Variants in NR3C2 observed in about 807,000 individuals in gnomAD.
NR3C2 encodes the protein mineralocorticoid receptor.
In NR3C2, 15 loss-of-function variants were observed where a neutral mutation model predicts 86.4. That is an observed-to-expected ratio of 0.17 (90% CI 0.12 to 0.27). The LOEUF is 0.27. NR3C2 is among the 10% of genes least tolerant of loss of function. NR3C2 has a pLI of 1.00. For missense variants in NR3C2, 960 were observed against 1,195.6 expected, an observed-to-expected ratio of 0.80 and a Z score of 2.91; for synonymous variants, 458 against 450.5, an observed-to-expected ratio of 1.02 and a Z score of -0.21.
chr4:148,118,404 C>T (rs549096409), intron 7 of NR3C2, among the ~76,000 whole-genome samples: 3 of 152,246 alleles, frequency 2.0e-5, no homozygotes, highest in South Asian at 2.1e-4. Context: ...CTTCCAATAC[C>T]GTACACTCTC....
intron 2 of NR3C2, among the ~76,000 whole-genome samples, chr4:148,321,684 G>C (rs1743602339): frequency 6.6e-6 from 1 of 151,972 alleles, no homozygotes; most frequent in Admixed American, 6.6e-5. Context: ...TGTTTTATCA[G>C]AGACTAGGAT....
At chr4:148,144,502 T>A (rs1733770001) in intron 6 of NR3C2, among the ~76,000 whole-genome samples, 1 of 152,296 alleles carries the variant, frequency 6.6e-6, no homozygotes, top group African/African-American at 2.4e-5. Context: ...TAAAAGCGAC[T>A]TTCTACTCCA....
At chr4:148,193,140 G>A (rs1736279758) in intron 4 of NR3C2, among the ~76,000 whole-genome samples, 1 of 152,224 alleles carries the variant, frequency 6.6e-6, no homozygotes, top group Admixed American at 6.5e-5. Context: ...GACCCAGAGA[G>A]CTCCCAGGAC....
At chr4:148,239,215 T>A (rs966814903) in intron 3 of NR3C2, among the ~76,000 whole-genome samples, 1 of 152,184 alleles carries the variant, frequency 6.6e-6, no homozygotes, top group Non-Finnish European at 1.5e-5. Context: ...CTGATACCTG[T>A]CCCCTAGCAT....
chr4:148,124,336 T>A (rs1732648921), intron 6 of NR3C2, among the ~76,000 whole-genome samples: 1 of 152,224 alleles, frequency 6.6e-6, no homozygotes, highest in Non-Finnish European at 1.5e-5. Context: ...CATTCCTGGA[T>A]GATAGTTTAA....
intron 2 of NR3C2, among the ~76,000 whole-genome samples, chr4:148,303,071 T>C (rs1441940745): frequency 2.0e-5 from 3 of 152,180 alleles, no homozygotes; most frequent in African/African-American, 7.2e-5. Context: ...TGGTGCACTT[T>C]ATGCAAATAA....
chr4:148,163,398 C>T (rs530003728), intron 4 of NR3C2, among the ~76,000 whole-genome samples: 1 of 152,260 alleles, frequency 6.6e-6, no homozygotes, highest in East Asian at 1.9e-4. Flanking sequence ...CTCTCTGGCT[C>T]ATACTTTTCT....
intron 2 of NR3C2, among the ~76,000 whole-genome samples, chr4:148,289,872 A>G (rs1367627910): frequency 6.6e-6 from 1 of 152,046 alleles, no homozygotes; most frequent in African/African-American, 2.4e-5. Flanking sequence ...TGGCAAACAA[A>G]AGCTTATGAG....
chr4:148,117,001 A>C (rs1372687805), intron 7 of NR3C2, among the ~76,000 whole-genome samples: 3 of 152,226 alleles, frequency 2.0e-5, no homozygotes, highest in African/African-American at 7.2e-5. Context: ...GAGGAGTAAA[A>C]TCATTTTCAG....
At chr4:148,359,466 C>T (rs1220750644) in intron 2 of NR3C2, among the ~76,000 whole-genome samples, 1 of 152,122 alleles carries the variant, frequency 6.6e-6, no homozygotes, top group African/African-American at 2.4e-5. Context: ...TTCTAGTGAC[C>T]TTTGGTTTTA....
rs939536653 is a variant in NR3C2, at chr4:148,080,845, C to A, written c.*499G>T. ...CCCCACGCCACGAGTTCTGTTATTA[C>A]ACAACAGGAATCTGTATATATTTTT... On this transcript the variant is annotated 3_prime_UTR_variant, in exon 9 of 9. Transcript: ENST00000358102. 3 of 414,638 alleles carry A rather than the reference C, an allele frequency of 7.2e-6. No individual in the cohort carries two copies. Among genetic ancestry groups the A allele is most frequent in the African/African-American group, 4.1e-5 (2 of 48,308 alleles). The allele number at this position is 414,638 out of a possible 1,614,324, so 25.7% of individuals were successfully genotyped here.
intron 2 of NR3C2, among the ~76,000 whole-genome samples, chr4:148,281,442 T>C (rs1741234504): frequency 6.6e-6 from 1 of 152,214 alleles, no homozygotes; most frequent in Non-Finnish European, 1.5e-5. Context: ...AAATAATGTA[T>C]ATTTCCATAA....
intron 3 of NR3C2, among the ~76,000 whole-genome samples, chr4:148,244,449 T>G (rs193277398): frequency 8.4e-4 from 128 of 152,330 alleles, no homozygotes; most frequent in Middle Eastern, 3.4e-3. Context: ...GGCTCTGAAG[T>G]CAGATTCAGG....
intron 3 of NR3C2, among the ~76,000 whole-genome samples, chr4:148,207,577 C>T (rs1737069323): frequency 1.3e-5 from 2 of 152,150 alleles, no homozygotes; most frequent in South Asian, 4.1e-4. Context: ...CAGTAATGGG[C>T]TTTAGGGTCA....
chr4:148,358,451 T>C (rs1333930119), intron 2 of NR3C2, among the ~76,000 whole-genome samples: 1 of 119,378 alleles, frequency 8.4e-6, no homozygotes, highest in Non-Finnish European at 1.6e-5. Flanking sequence ...AAGGGGAATA[T>C]CACACTCTGG....
chr4:148,239,427 G>C (rs1317852094), intron 3 of NR3C2, among the ~76,000 whole-genome samples: 1 of 152,148 alleles, frequency 6.6e-6, no homozygotes, highest in Non-Finnish European at 1.5e-5. Context: ...GCTGCTTCTG[G>C]CTCTCTCACC....
At chr4:148,358,530 G>A (rs1337390638) in intron 2 of NR3C2, among the ~76,000 whole-genome samples, 1 of 151,128 alleles carries the variant, frequency 6.6e-6, no homozygotes, top group Non-Finnish European at 1.5e-5. Flanking sequence ...TAGATGACGA[G>A]TTAGTGGATG....
At chr4:148,358,336 T>C (rs991180971) in intron 2 of NR3C2, among the ~76,000 whole-genome samples, 15 of 151,750 alleles carry the variant, frequency 9.9e-5, no homozygotes, top group Non-Finnish European at 1.5e-4. Context: ...ATGGATGAAA[T>C]TGGAAATCAT....
At chr4:148,415,575 C>A (rs1253290990) in intron 2 of NR3C2, among the ~76,000 whole-genome samples, 1 of 152,118 alleles carries the variant, frequency 6.6e-6, no homozygotes, top group Non-Finnish European at 1.5e-5. Flanking sequence ...AAGCAGCATT[C>A]TCAGGGGGCA....
Sources: allele counts gnomAD v4.1 joint callset (sites outside exome capture counted in the v4.1 genomes callset), GRCh38; gene constraint gnomAD v4.1.1; transcripts MANE v1.5; gene names NCBI Gene and HGNC (gene_info 2026-07-23, HGNC 2026-07-21).